The following ARID4B variants were observed in gnomAD, a reference collection of about 807,000 sequenced individuals.
The protein encoded by ARID4B is AT-rich interactive domain-containing protein 4B.
In ARID4B, 26 loss-of-function variants were observed where a neutral mutation model predicts 147.5. The observed-to-expected ratio is 0.18, with a 90% confidence interval of 0.13 to 0.24. ARID4B has a LOEUF of 0.24. Among genes scored for constraint, ARID4B ranks in the 10% least tolerant of loss-of-function variants. The pLI, the probability that ARID4B is intolerant of heterozygous loss-of-function variation, is 1.00. For synonymous variants in ARID4B, 512 were observed against 507.9 expected (o/e 1.01, Z -0.11); for missense variants, 1,179 against 1,511.5 (o/e 0.78, Z 3.65).
rs549565338 is a variant in ARID4B at position 235,211,271 on chromosome 1, C to T, written c.1841+2498G>A. Among the ~76,000 whole-genome samples, 8 of 152,100 alleles carry T rather than the reference C, an allele frequency of 5.3e-5. No individual in the cohort carries two copies. In the East Asian group the frequency reaches 1.2e-3, roughly 22 times the overall value. On this transcript the variant is annotated intron_variant, in intron 17 of 23. Transcript: ENST00000264183. ...GCTTGAACCCGGGAGGCGGAGGCTG[C>T]GGTGAGCCAAGATCCAGCCACTGCA... is the stretch of plus-strand genomic sequence containing the variant.
At chr1:235,321,916 T>C (rs1184026464) in intron 2 of ARID4B, among the ~76,000 whole-genome samples, 1 of 151,554 alleles carries the variant, frequency 6.6e-6, no homozygotes, top group African/African-American at 2.4e-5. Context: ...CATCCTTACA[T>C]TCAGCTCTCC....
In ARID4B at chr1:235,220,541, A is replaced by C; in HGVS notation, c.1168T>G (p.Leu390Val). 1 of 1,560,710 alleles carries C rather than the reference A, an allele frequency of 6.4e-7. No homozygotes were observed. Among genetic ancestry groups the C allele is most frequent in the Non-Finnish European group, 8.6e-7 (1 of 1,156,690 alleles). ...YNVKCAYKKYLYGFEEYCRSA... is the reference protein window; with the variant it reads ...YNVKCAYKKYVYGFEEYCRSA... ...CTACAGTACTCCTCAAAACCATATA[A>C]GTATCTGGAAACATGAAGAGAAATT... is the stretch of plus-strand genomic sequence containing the variant. The change falls in exon 15 of 24, where the codon TTA (leucine) becomes GTA (valine). Residue 390 changes from leucine to valine, a missense_variant. This residue lies in a region of ARID4B where 204 missense variants were observed against 210.9 expected (regional missense o/e 0.97). Transcript: ENST00000264183.
rs752197854 is a variant in ARID4B at position 235,229,287 on chromosome 1, C to T, written c.841G>A (p.Glu281Lys). 2 of 1,613,422 alleles carry T rather than the reference C, an allele frequency of 1.2e-6. No homozygotes were observed. The highest frequency in any genetic ancestry group is 1.7e-6 in the Non-Finnish European group (2 of 1,179,566). ...TTTTCATCATCTTCCTCCTCCTCTT[C>T]TTCCTCTGCTTCACTGCTAGAGCTA... ...EDSSSSEAEE[E>K]EEEEDDEKEK... The change falls in exon 11 of 24, where the codon GAA becomes AAA. Residue 281 changes from glutamate (E) to lysine (K), a missense_variant. By Grantham distance (56) the Glu-to-Lys change is moderately conservative (BLOSUM62 1). Around this residue, in one of 10 missense-constraint regions of ARID4B, gnomAD observed 159 missense variants for 190.5 expected, o/e 0.83. Transcript: ENST00000264183.
At chr1:235,179,653 T>C (rs1173552919) in intron 20 of ARID4B, among the ~76,000 whole-genome samples, 1 of 151,788 alleles carries the variant, frequency 6.6e-6, no homozygotes, top group East Asian at 1.9e-4. Flanking sequence ...CTAGTCAAGA[T>C]TAAGATTCAA....
At chr1:235,283,010 T>C (rs1458396290) in intron 2 of ARID4B, among the ~76,000 whole-genome samples, 3 of 152,228 alleles carry the variant, frequency 2.0e-5, no homozygotes, top group South Asian at 2.1e-4. Context: ...TCGACTCCTA[T>C]TGTGATCCAC....
intron 8 of ARID4B, among the ~76,000 whole-genome samples, chr1:235,236,503 T>C (rs1389471415): frequency 2.4e-5 from 1 of 41,928 alleles, no homozygotes; most frequent in African/African-American, 9.7e-5. Context: ...TGTGTGTGTG[T>C]GTGTGTGTGT....
chr1:235,242,021 GT>G (rs764823245), intron 7 of ARID4B, among the ~76,000 whole-genome samples: 1 of 151,902 alleles, frequency 6.6e-6, no homozygotes, highest in South Asian at 2.1e-4. Flanking sequence ...GCGAAGGCAG[GT>G]GGATCACCTG....
chr1:235,318,502 G>C (rs1674598369), intron 2 of ARID4B, among the ~76,000 whole-genome samples: 2 of 152,122 alleles, frequency 1.3e-5, no homozygotes. Flanking sequence ...CTTATGGGAA[G>C]TAAAAGAAAT....
chr1:235,279,069 C>A (rs867936452), intron 2 of ARID4B, among the ~76,000 whole-genome samples: 8 of 152,042 alleles, frequency 5.3e-5, no homozygotes, highest in African/African-American at 1.4e-4. Context: ...GTGCATACAG[C>A]GCCAAGCCAA....
At chr1:235,263,910 C>T (rs1430147138) in intron 2 of ARID4B, among the ~76,000 whole-genome samples, 3 of 151,960 alleles carry the variant, frequency 2.0e-5, no homozygotes, top group Admixed American at 6.6e-5. Flanking sequence ...AGGAGAATGG[C>T]GTGAACCTGG....
At chr1:235,290,433 CAA>C (rs35171807) in intron 2 of ARID4B, among the ~76,000 whole-genome samples, 30 of 131,868 alleles carry the variant, frequency 2.3e-4, no homozygotes, top group Admixed American at 2.2e-4. Context: ...ATTCCATCAC[CAA>C]AAAAAAAAAA....
intron 2 of ARID4B, among the ~76,000 whole-genome samples, chr1:235,278,416 C>A (rs1671474648): frequency 6.6e-6 from 1 of 152,096 alleles, no homozygotes; most frequent in Admixed American, 6.5e-5. Flanking sequence ...GGCATCCCCT[C>A]CTATAAGCAT....
At chr1:235,198,144 T>C (rs1665628794) in intron 17 of ARID4B, among the ~76,000 whole-genome samples, 2 of 152,224 alleles carry the variant, frequency 1.3e-5, no homozygotes, top group South Asian at 4.1e-4. Flanking sequence ...TCATGATGGC[T>C]GCACATAACA....
At chr1:235,178,613 T>G (rs908250880) in intron 20 of ARID4B, among the ~76,000 whole-genome samples, 3 of 152,194 alleles carry the variant, frequency 2.0e-5, no homozygotes, top group African/African-American at 7.2e-5. Context: ...GATCAATCAC[T>G]ACTCTGAACT....
intron 17 of ARID4B, among the ~76,000 whole-genome samples, chr1:235,199,320 A>G (rs541210080): frequency 2.7e-4 from 41 of 152,096 alleles, no homozygotes; most frequent in Admixed American, 5.9e-4. Context: ...CAGTGCTTTT[A>G]TTTGTTTAAT....
chr1:235,176,437 C>CAAAAAAAAAAAAAAAAAAAAAAAAA (rs34808765), intron 21 of ARID4B, among the ~76,000 whole-genome samples: 2 of 22,532 alleles, frequency 8.9e-5, no homozygotes, highest in African/African-American at 2.0e-4. Context: ...ACAACATCAC[C>CAAAAAAAAAAAAAAAAAAAAAAAAA]AAAAAAAAAA....
chr1:235,319,154 A>C (rs1204453660), intron 2 of ARID4B, among the ~76,000 whole-genome samples: 1 of 152,242 alleles, frequency 6.6e-6, no homozygotes, highest in African/African-American at 2.4e-5. Context: ...TTAACAAAAA[A>C]GTTTTCAAAA....
At position 235,215,047 on chromosome 1, in the gene ARID4B, G is replaced by A. The variant is rs542931529; in HGVS notation, c.1584-1021C>T. Reference sequence around the variant, plus strand: ...TTTAGTAGTGACAGGGTTTCACCATGTTGGTCAGGCTGGTCTCAAACTCCT... The same window carrying A: ...TTTAGTAGTGACAGGGTTTCACCATATTGGTCAGGCTGGTCTCAAACTCCT... On this transcript the variant is annotated intron_variant, in intron 16 of 23. Coordinates refer to ENST00000264183, the MANE Select transcript of ARID4B (RefSeq NM_016374.6). Among the ~76,000 whole-genome samples, 31 of 151,976 alleles carry A rather than the reference G, an allele frequency of 2.0e-4. No homozygotes were observed. In the South Asian group the frequency reaches 6.4e-3, roughly 32 times the overall value.
chr1:235,193,953 A>G, intron 19 of ARID4B, 60 bp downstream of exon 19: 2 of 1,325,980 alleles, frequency 1.5e-6, no homozygotes, highest in South Asian at 2.6e-5. Context: ...TTACCTTTAT[A>G]GAACTTGACT....
Sources: gnomAD v4.1 joint callset for allele counts (sites outside exome capture counted in the v4.1 genomes callset) on GRCh38, gnomAD v4.1.1 for gene constraint, gnomAD v4.1.1 regional missense constraint, MANE v1.5 for transcripts, NCBI Gene and HGNC (gene_info 2026-07-23, HGNC 2026-07-21) for gene names.